The following CACNA2D1 variants were observed in gnomAD, a reference collection of about 807,000 sequenced individuals.
CACNA2D1 encodes calcium voltage-gated channel auxiliary subunit alpha2delta 1, also known as voltage-dependent calcium channel subunit alpha-2/delta-1.
A neutral mutation model predicts 171.5 loss-of-function variants in CACNA2D1; 53 were observed. The ratio of observed to expected loss-of-function variants is 0.31; its 90% CI spans 0.25 to 0.39. CACNA2D1 has a LOEUF of 0.39. Among genes scored for constraint, CACNA2D1 ranks in the 10% least tolerant of loss-of-function variants. The pLI, the probability that CACNA2D1 is intolerant of heterozygous loss-of-function variation, is 1.00. For synonymous variants in CACNA2D1, 442 were observed against 443.1 expected (o/e 1.00, Z 0.03); for missense variants, 903 against 1,299.8 (o/e 0.69, Z 4.69).
At position 82,000,771 on chromosome 7, in the gene CACNA2D1, C is replaced by CTTTTTTTTTTTTTTTTTTT. The variant is rs774565705; in HGVS notation, c.1591-3540_1591-3522dup. On this transcript the variant is annotated intron_variant, in intron 18 of 38. Coordinates refer to ENST00000356860, the MANE Select transcript of CACNA2D1 (RefSeq NM_000722.4). Reference sequence around the variant, plus strand: ...TACCATGCCTAACTAATTTTTCTTTCTTTTTTTTTTTTTTTTTTTTTTTTT... The same window carrying CTTTTTTTTTTTTTTTTTTT: ...TACCATGCCTAACTAATTTTTCTTTCTTTTTTTTTTTTTTTTTTTTTTTTTTTTTTTTTTTTTTTTTTTT... Among the ~76,000 whole-genome samples the CTTTTTTTTTTTTTTTTTTT allele has an allele frequency of 1.9e-4, 10 of 51,960 alleles. 4 individuals are homozygous for CTTTTTTTTTTTTTTTTTTT. The highest frequency in any genetic ancestry group is 3.2e-4 in the Non-Finnish European group (9 of 27,696). 34.1% of individuals were successfully genotyped at this position (51,960 alleles called of 152,430 possible).
chr7:81,971,698 G>C (rs1283031664), intron 26 of CACNA2D1, 79 bp downstream of exon 26: 8 of 811,106 alleles, frequency 9.9e-6, no homozygotes, highest in Admixed American at 1.8e-5. Context: ...AAATTTATGA[G>C]ATTCATACCC....
intron 3 of CACNA2D1, among the ~76,000 whole-genome samples, chr7:82,272,595 A>G (rs1216583730): frequency 1.3e-5 from 2 of 152,194 alleles, no homozygotes; most frequent in African/African-American, 2.4e-5. Flanking sequence ...AAGAAGCCCA[A>G]GTGGCAAGGA....
intron 3 of CACNA2D1, among the ~76,000 whole-genome samples, chr7:82,297,025 A>G (rs73164271): frequency 0.16 from 22,849 of 142,716 alleles, 2,089 homozygotes; most frequent in Middle Eastern, 0.26. Context: ...GCTTAAGTCC[A>G]GGAGTTGGAG....
At chr7:81,963,873 T>C (rs1474916419) in intron 34 of CACNA2D1, among the ~76,000 whole-genome samples, 183 bp downstream of exon 34, 2 of 152,156 alleles carry the variant, frequency 1.3e-5, no homozygotes, top group African/African-American at 4.8e-5. Flanking sequence ...TGAATAATGG[T>C]AACTTTATAG....
At chr7:82,157,137 T>C (rs1428536153) in intron 4 of CACNA2D1, among the ~76,000 whole-genome samples, 1 of 152,116 alleles carries the variant, frequency 6.6e-6, no homozygotes, top group Non-Finnish European at 1.5e-5. Context: ...TAGCTAGACC[T>C]TGGCTTTTCT....
At chr7:82,153,056 A>G (rs1794018234) in intron 4 of CACNA2D1, among the ~76,000 whole-genome samples, 2 of 150,534 alleles carry the variant, frequency 1.3e-5, no homozygotes, top group African/African-American at 4.9e-5. Context: ...CATTCAAAGT[A>G]GATTGTGCAA....
chr7:82,315,960 C>A (rs1815064778), intron 3 of CACNA2D1, among the ~76,000 whole-genome samples: 1 of 151,462 alleles, frequency 6.6e-6, no homozygotes, highest in South Asian at 2.1e-4. Context: ...TCAATGTCAC[C>A]AGGTGTTTTT....
chr7:82,296,002 C>T (rs1407191719), intron 3 of CACNA2D1, among the ~76,000 whole-genome samples: 4 of 151,614 alleles, frequency 2.6e-5, no homozygotes, highest in East Asian at 2.0e-4. Flanking sequence ...AGTAAACTAT[C>T]GCAAGGACAA....
At chr7:82,089,237 GTT>G (rs1256157119) in intron 6 of CACNA2D1, among the ~76,000 whole-genome samples, 1 of 152,126 alleles carries the variant, frequency 6.6e-6, no homozygotes, top group Non-Finnish European at 1.5e-5. Context: ...GTACATGAGT[GTT>G]CAATATTTTT....
chr7:82,220,965 AG>A (rs1247970384), intron 3 of CACNA2D1, among the ~76,000 whole-genome samples: 1 of 151,946 alleles, frequency 6.6e-6, no homozygotes, highest in African/African-American at 2.4e-5. Flanking sequence ...TAGTAGAGAC[AG>A]GGTTTCACGA....
At chr7:82,062,220 A>G (rs2128977658) in intron 9 of CACNA2D1, among the ~76,000 whole-genome samples, 1 of 152,262 alleles carries the variant, frequency 6.6e-6, no homozygotes, top group East Asian at 1.9e-4. Flanking sequence ...TGAAGCTAGA[A>G]ACAAGATAGA....
intron 7 of CACNA2D1, among the ~76,000 whole-genome samples, chr7:82,076,086 G>T (rs1383702608): frequency 6.6e-6 from 1 of 151,980 alleles, no homozygotes; most frequent in Non-Finnish European, 1.5e-5. Flanking sequence ...CTGCATCCTT[G>T]GTTGACCATA....
chr7:82,133,243 A>T (rs1791211914), intron 5 of CACNA2D1, among the ~76,000 whole-genome samples: 1 of 152,164 alleles, frequency 6.6e-6, no homozygotes, highest in Admixed American at 6.5e-5. Flanking sequence ...TTTACCCATT[A>T]TTATGAAATC....
intron 1 of CACNA2D1, among the ~76,000 whole-genome samples, chr7:82,350,470 C>T (rs1819728647): frequency 6.6e-6 from 1 of 152,148 alleles, no homozygotes; most frequent in Non-Finnish European, 1.5e-5. Flanking sequence ...TTGACACCAT[C>T]CTGGCTAACA....
chr7:82,420,549 T>C (rs1372864585), intron 1 of CACNA2D1, among the ~76,000 whole-genome samples: 1 of 152,164 alleles, frequency 6.6e-6, no homozygotes, highest in African/African-American at 2.4e-5. Flanking sequence ...AGAACCACTC[T>C]CATTGTCAGA....
chr7:82,329,003 G>A (rs1385746519), intron 3 of CACNA2D1, among the ~76,000 whole-genome samples: 3 of 151,804 alleles, frequency 2.0e-5, no homozygotes, highest in Non-Finnish European at 2.9e-5. Context: ...TTTTTCTTGA[G>A]TTTCTTTCCA....
At chr7:82,092,449 G>A (rs1179242638) in intron 6 of CACNA2D1, among the ~76,000 whole-genome samples, 2 of 151,136 alleles carry the variant, frequency 1.3e-5, no homozygotes, top group African/African-American at 2.4e-5. Context: ...TAGGCTCACT[G>A]CCAAGCTCCG....
intron 1 of CACNA2D1, among the ~76,000 whole-genome samples, chr7:82,358,126 G>T (rs1820669971): frequency 6.6e-6 from 1 of 152,130 alleles, no homozygotes; most frequent in Admixed American, 6.6e-5. Context: ...TCACAAATCT[G>T]AAGTAATAAG....
At chr7:82,229,745 G>A (rs1180220045) in intron 3 of CACNA2D1, among the ~76,000 whole-genome samples, 2 of 149,688 alleles carry the variant, frequency 1.3e-5, no homozygotes, top group Non-Finnish European at 3.0e-5. Context: ...TACCCAGGCT[G>A]CTTTCAAATT....
Sources: gnomAD v4.1 joint callset for allele counts (sites outside exome capture counted in the v4.1 genomes callset) on GRCh38, gnomAD v4.1.1 for gene constraint, MANE v1.5 for transcripts, NCBI Gene and HGNC (gene_info 2026-07-23, HGNC 2026-07-21) for gene names.